The following MTUS2 variants were observed in gnomAD, a reference collection of about 807,000 sequenced individuals.
MTUS2 encodes the protein microtubule associated scaffold protein 2, also known as microtubule-associated tumor suppressor candidate 2.
In MTUS2, 40 loss-of-function variants were observed where a neutral mutation model predicts 114.1. That is an observed-to-expected ratio of 0.35 (90% CI 0.27 to 0.46). The LOEUF is 0.46. Among genes scored for constraint, MTUS2 ranks in the 20% least tolerant of loss-of-function variants. The pLI is 1.00. For missense variants in MTUS2, 1,679 were observed against 1,705.4 expected, an observed-to-expected ratio of 0.98 and a Z score of 0.27; for synonymous variants, 688 against 672.0, an observed-to-expected ratio of 1.02 and a Z score of -0.37.
intron 2 of MTUS2, among the ~76,000 whole-genome samples, chr13:29,002,503 G>T (rs1212866315): frequency 6.6e-6 from 1 of 152,170 alleles, no homozygotes; most frequent in Non-Finnish European, 1.5e-5. Flanking sequence ...AATAGGAAAA[G>T]TTCTATTCTG....
At chr13:28,830,231 A>G (rs1474595614) in intron 1 of MTUS2, among the ~76,000 whole-genome samples, 1 of 152,178 alleles carries the variant, frequency 6.6e-6, no homozygotes, top group Non-Finnish European at 1.5e-5. Flanking sequence ...TTTTAAATCC[A>G]GTTTTCAACA....
At chr13:28,869,965 T>C (rs1365672668) in intron 2 of MTUS2, among the ~76,000 whole-genome samples, 1 of 152,208 alleles carries the variant, frequency 6.6e-6, no homozygotes, top group African/African-American at 2.4e-5. Context: ...TAAAATTCTT[T>C]TATATGCATT....
At chr13:29,292,239 G>A (rs1171614093) in intron 6 of MTUS2, among the ~76,000 whole-genome samples, 1 of 152,160 alleles carries the variant, frequency 6.6e-6, no homozygotes. Flanking sequence ...CTAAGCTGAT[G>A]ATGGCTGAGC....
intron 4 of MTUS2, among the ~76,000 whole-genome samples, chr13:29,088,912 A>G (rs928278335): frequency 2.6e-5 from 4 of 152,042 alleles, no homozygotes; most frequent in Admixed American, 6.6e-5. Flanking sequence ...TATCTATCCA[A>G]TTTGCCACTC....
At chr13:28,990,523 A>G (rs1300161164) in intron 2 of MTUS2, among the ~76,000 whole-genome samples, 1 of 152,100 alleles carries the variant, frequency 6.6e-6, no homozygotes, top group Non-Finnish European at 1.5e-5. Context: ...GTAAAAATGT[A>G]CCAATCAGCA....
intron 5 of MTUS2, among the ~76,000 whole-genome samples, chr13:29,146,201 C>A (rs1362897567): frequency 6.6e-6 from 1 of 152,202 alleles, no homozygotes; most frequent in African/African-American, 2.4e-5. Flanking sequence ...TTCTGGGAGT[C>A]TCTCCTTCAC....
intron 6 of MTUS2, among the ~76,000 whole-genome samples, chr13:29,310,805 G>A (rs1465577649): frequency 2.6e-5 from 4 of 152,172 alleles, no homozygotes; most frequent in African/African-American, 9.7e-5. Flanking sequence ...AATTGACACA[G>A]CCACTTTGGG....
chr13:29,146,617 A>G (rs1390827809), intron 5 of MTUS2, among the ~76,000 whole-genome samples: 1 of 152,236 alleles, frequency 6.6e-6, no homozygotes, highest in East Asian at 1.9e-4. Context: ...GCCAGGAGAA[A>G]ACTATTTACT....
intron 5 of MTUS2, among the ~76,000 whole-genome samples, chr13:29,211,532 T>C (rs1431924475): frequency 1.3e-5 from 2 of 152,232 alleles, no homozygotes; most frequent in Non-Finnish European, 2.9e-5. Flanking sequence ...CCCTGTGATC[T>C]TTCCCCAGTT....
chr13:29,170,187 A>G (rs116776117), intron 5 of MTUS2, among the ~76,000 whole-genome samples: 705 of 3,324 alleles, frequency 0.21, 4 homozygotes, highest in African/African-American at 0.29. Flanking sequence ...AGGAAAACAT[A>G]CAAGAATGCA....
intron 4 of MTUS2, among the ~76,000 whole-genome samples, chr13:29,085,675 A>C (rs1889660263): frequency 6.6e-6 from 1 of 152,018 alleles, no homozygotes; most frequent in African/African-American, 2.4e-5. Flanking sequence ...CATTTTCTTT[A>C]TCCAGTCCAC....
At chr13:29,198,163 T>C (rs1209472245) in intron 5 of MTUS2, among the ~76,000 whole-genome samples, 1 of 152,218 alleles carries the variant, frequency 6.6e-6, no homozygotes, top group Non-Finnish European at 1.5e-5. Flanking sequence ...TCCTGAATGG[T>C]ATTGCCTAGG....
At chr13:28,970,273 A>C (rs1228103435) in intron 2 of MTUS2, among the ~76,000 whole-genome samples, 1 of 152,246 alleles carries the variant, frequency 6.6e-6, no homozygotes, top group East Asian at 1.9e-4. Flanking sequence ...TTATATGTAC[A>C]AATGTAGAAT....
At chr13:29,320,870 T>A (rs1900223840) in intron 6 of MTUS2, among the ~76,000 whole-genome samples, 1 of 152,142 alleles carries the variant, frequency 6.6e-6, no homozygotes, top group Non-Finnish European at 1.5e-5. Flanking sequence ...ACTTAGGAGC[T>A]ACTGAAGGTC....
At chr13:28,959,856 C>T (rs1480021302) in intron 2 of MTUS2, among the ~76,000 whole-genome samples, 2 of 152,230 alleles carry the variant, frequency 1.3e-5, no homozygotes, top group Admixed American at 6.5e-5. Flanking sequence ...AACCGTATCA[C>T]ACCACCTGTC....
At chr13:29,303,812 G>T (rs1038303864) in intron 6 of MTUS2, among the ~76,000 whole-genome samples, 3 of 152,064 alleles carry the variant, frequency 2.0e-5, no homozygotes, top group African/African-American at 7.2e-5. Flanking sequence ...TCCATGAGAA[G>T]ATCAACCCCA....
At position 29,480,473 on chromosome 13, in the gene MTUS2, G is replaced by A; in HGVS notation, c.3399+109G>A. ...GTCCTATTCAGTAGGTGAGCTTTCT[G>A]AACAGTTCACTTTCTGAGTTGCTTT... On this transcript the variant is annotated intron_variant, in intron 10 of 15. Transcript: ENST00000612955. This position sits in a 1 kb window ranked among gnomAD's most constrained non-coding sequence, Gnocchi z 4.4. 1 of 1,197,740 alleles carries A rather than the reference G, an allele frequency of 8.3e-7. No homozygotes were observed. The highest frequency in any genetic ancestry group is 1.1e-6 in the Non-Finnish European group (1 of 879,068). 74.2% of individuals were successfully genotyped at this position (1,197,740 alleles called of 1,614,324 possible).
rs1217467687 is a variant in MTUS2 at position 29,503,895 on chromosome 13, G to C, written c.*689G>C. 3 of 231,298 alleles carry C rather than the reference G, an allele frequency of 1.3e-5. No individual in the cohort carries two copies. The Admixed American group carries it at 1.7e-4, about 13-fold the overall frequency. 14.3% of individuals were successfully genotyped at this position (231,298 alleles called of 1,614,324 possible). ...ATGTGAGATCACTATTATTCCATTC[G>C]CAAGTTTTAATTATTGATACTCCTG... On this transcript the variant is annotated 3_prime_UTR_variant, in exon 16 of 16. Transcript: ENST00000612955.
intron 6 of MTUS2, among the ~76,000 whole-genome samples, chr13:29,310,935 A>G (rs1372184151): frequency 2.0e-5 from 3 of 152,242 alleles, no homozygotes; most frequent in Non-Finnish European, 4.4e-5. Context: ...TGTTCAAAGC[A>G]GCATTGTTCA....
Sources: allele counts gnomAD v4.1 joint callset (sites outside exome capture counted in the v4.1 genomes callset), GRCh38; gene constraint gnomAD v4.1.1; non-coding constraint Gnocchi (gnomAD v3.1); transcripts MANE v1.5; gene names NCBI Gene and HGNC (gene_info 2026-07-23, HGNC 2026-07-21).